Variants in CDH4 observed in about 807,000 individuals in gnomAD.
CDH4 encodes cadherin-4.
A neutral mutation model predicts 86.0 loss-of-function variants in CDH4; 33 were observed. The observed-to-expected ratio is 0.38, with a 90% CI of 0.29 to 0.51. CDH4 has a LOEUF of 0.51. Among genes scored for constraint, CDH4 ranks in the 20% least tolerant of loss-of-function variants. The pLI is 0.86. For synonymous variants in CDH4, 555 were observed against 549.4 expected, an observed-to-expected ratio of 1.01 and a Z score of -0.14; for missense variants, 1,114 against 1,307.4, an observed-to-expected ratio of 0.85 and a Z score of 2.28.
In CDH4 at chr20:61,848,196, C is replaced by T. The variant is rs183851283; in HGVS notation, c.732+3373C>T. ...CACCTGCAGGCCCCAGCCCTCACCACGGATGCACTCAGGCCTCCCACACTC... is the reference window on the plus strand; with the variant it reads ...CACCTGCAGGCCCCAGCCCTCACCATGGATGCACTCAGGCCTCCCACACTC... On this transcript the variant is annotated intron_variant, in intron 5 of 15. Transcript: ENST00000614565. Among the ~76,000 whole-genome samples, 69 of 152,304 alleles carry T rather than the reference C, an allele frequency of 4.5e-4. No homozygotes were observed. The East Asian group carries it at 0.012, about 26-fold the overall frequency.
intron 2 of CDH4, among the ~76,000 whole-genome samples, chr20:61,482,909 A>C (rs946715452): frequency 6.6e-6 from 1 of 152,090 alleles, no homozygotes; most frequent in Admixed American, 6.6e-5. Context: ...CAGCATCCCC[A>C]TTTTACAGAT....
chr20:61,279,574 C>G (rs1473363151), intron 2 of CDH4, among the ~76,000 whole-genome samples: 1 of 152,158 alleles, frequency 6.6e-6, no homozygotes, highest in Non-Finnish European at 1.5e-5. Context: ...CATCCTCTGT[C>G]TAGAGCAGGT....
intron 2 of CDH4, among the ~76,000 whole-genome samples, chr20:61,472,807 G>A (rs767120055): frequency 2.0e-5 from 3 of 152,150 alleles, no homozygotes; most frequent in Non-Finnish European, 4.4e-5. Flanking sequence ...ACTGCTGAAT[G>A]TATGTAGAAT....
chr20:61,749,671 A>C (rs2088464202), intron 3 of CDH4, among the ~76,000 whole-genome samples: 1 of 152,240 alleles, frequency 6.6e-6, no homozygotes, highest in African/African-American at 2.4e-5. Context: ...AAATTAGTGA[A>C]TATTTTGAAC....
intron 2 of CDH4, among the ~76,000 whole-genome samples, chr20:61,454,726 T>C (rs776549805): frequency 1.4e-4 from 21 of 152,160 alleles, no homozygotes; most frequent in Non-Finnish European, 2.6e-4. Context: ...ATTACAGGCA[T>C]GAGCCACCGC....
At position 61,252,488 on chromosome 20, in the gene CDH4, C is replaced by T. The variant is rs1259327513; in HGVS notation, c.-26C>T. 1.2e-5 allele frequency: 14 copies of T among 1,137,378 alleles called. No individual in the cohort carries two copies. The highest frequency in any genetic ancestry group is 4.1e-5 in the East Asian group (1 of 24,410). 70.5% of individuals were successfully genotyped at this position (1,137,378 alleles called of 1,614,324 possible). A position where few individuals can be genotyped will look rare whatever the true frequency, so the allele number is the denominator to read the frequency against. On this transcript the variant is annotated 5_prime_UTR_variant, in exon 1 of 16. Transcript: ENST00000614565. This position sits in a 1 kb window ranked among gnomAD's most constrained non-coding sequence, Gnocchi z 4.4. ...GCGGCAGGGAGCGGGCTCCCGGTGC[C>T]GGGCACCGGGCGGGCGGCGGGGAAG...
intron 4 of CDH4, among the ~76,000 whole-genome samples, chr20:61,838,132 G>A (rs573438342): frequency 1.0e-4 from 13 of 128,300 alleles, no homozygotes; most frequent in Non-Finnish European, 1.9e-4. Flanking sequence ...GACTGGGGCC[G>A]TCTACCTGCC....
chr20:61,302,278 G>A lies in CDH4; in HGVS notation c.169+47341G>A, dbSNP rs562538473. ...TCTTAGCCACTGGGGACCTTGTCAC[G>A]TTCCTGTGTGTGCAGTCCGTATCCT... On this transcript the variant is annotated intron_variant, in intron 2 of 15. Transcript: ENST00000614565. Among the ~76,000 whole-genome samples the A allele has an allele frequency of 7.4e-4, 113 of 152,328 alleles. 2 individuals carry two copies. In the South Asian group the frequency reaches 0.021, roughly 28 times the overall value.
intron 3 of CDH4, among the ~76,000 whole-genome samples, chr20:61,767,302 C>T (rs1429068114): frequency 1.3e-5 from 2 of 152,208 alleles, no homozygotes; most frequent in East Asian, 1.9e-4. Flanking sequence ...TGAGTTTGCT[C>T]CATAGAAAGT....
At chr20:61,928,654 G>A (rs1276635136) in intron 12 of CDH4, among the ~76,000 whole-genome samples, 2 of 152,224 alleles carry the variant, frequency 1.3e-5, no homozygotes, top group Middle Eastern at 3.2e-3. Context: ...AATGAGGCCA[G>A]CCGTGAACAT....
chr20:61,670,496 A>G (rs2087374564), intron 2 of CDH4, among the ~76,000 whole-genome samples: 10 of 152,198 alleles, frequency 6.6e-5, no homozygotes, highest in Admixed American at 6.5e-4. Flanking sequence ...AAGTCAGCCC[A>G]TTCACCAAAT....
chr20:61,341,656 G>T (rs562454906), intron 2 of CDH4, among the ~76,000 whole-genome samples: 1 of 152,070 alleles, frequency 6.6e-6, no homozygotes, highest in South Asian at 2.1e-4. Context: ...CTTCTTCTCA[G>T]ATGATAAACA....
intron 9 of CDH4, among the ~76,000 whole-genome samples, chr20:61,914,291 C>T (rs1435914873): frequency 2.0e-5 from 3 of 152,334 alleles, no homozygotes; most frequent in South Asian, 2.1e-4. Context: ...TTCTGTGAAA[C>T]GTGGATCCAC....
chr20:61,462,449 C>A (rs979247720), intron 2 of CDH4, among the ~76,000 whole-genome samples: 2 of 152,202 alleles, frequency 1.3e-5, no homozygotes, highest in African/African-American at 4.8e-5. Context: ...AATTTATTCT[C>A]ACCTGGTAAA....
chr20:61,726,984 A>G (rs1460403724), intron 2 of CDH4, among the ~76,000 whole-genome samples: 1 of 138,868 alleles, frequency 7.2e-6, no homozygotes, highest in African/African-American at 2.7e-5. Flanking sequence ...TCGCCACCAT[A>G]GGTACCATCA....
At chr20:61,693,564 G>A (rs998648487) in intron 2 of CDH4, among the ~76,000 whole-genome samples, 1 of 152,222 alleles carries the variant, frequency 6.6e-6, no homozygotes, top group African/African-American at 2.4e-5. Flanking sequence ...CAGCCCACCT[G>A]CCTCCTCTGC....
chr20:61,726,751 G>C (rs960485722), intron 2 of CDH4, among the ~76,000 whole-genome samples: 1 of 123,484 alleles, frequency 8.1e-6, no homozygotes, highest in Non-Finnish European at 1.7e-5. Flanking sequence ...TGCCATCATC[G>C]TCACCATCGG....
intron 2 of CDH4, among the ~76,000 whole-genome samples, chr20:61,692,205 A>G (rs895025027): frequency 2.7e-5 from 4 of 147,256 alleles, no homozygotes; most frequent in Non-Finnish European, 4.5e-5. Flanking sequence ...GTTTGTGTGT[A>G]TGTCTATGTA....
intron 2 of CDH4, among the ~76,000 whole-genome samples, chr20:61,281,607 C>G (rs1333344847): frequency 2.0e-5 from 3 of 152,242 alleles, no homozygotes; most frequent in African/African-American, 7.2e-5. Flanking sequence ...CGCCTCCCGG[C>G]AGCCATACAT....
Sources: gnomAD v4.1 joint callset for allele counts (sites outside exome capture counted in the v4.1 genomes callset) on GRCh38, gnomAD v4.1.1 for gene constraint, Gnocchi (gnomAD v3.1) non-coding constraint, MANE v1.5 for transcripts, NCBI Gene and HGNC (gene_info 2026-07-23, HGNC 2026-07-21) for gene names.